SPMIP6: variants seen among roughly 807,000 people sequenced by gnomAD.
SPMIP6 encodes ciliated bronchial epithelial protein 1.
the SPMIP6 span, chr9:34,380,859 G>C: frequency 6.5e-7 from 1 of 1,534,208 alleles, no homozygotes; most frequent in East Asian, 2.4e-5. Flanking sequence ...GGCTTGTGTG[G>C]GGTGGAGCCC....
chr9:34,379,640 A>G, the SPMIP6 span: 1 of 1,613,286 alleles, frequency 6.2e-7, no homozygotes, highest in East Asian at 2.2e-5. The surrounding 1 kb of genome is among the most constrained non-coding windows in gnomAD (Gnocchi z 4.2). Flanking sequence ...TGCGCGTTAG[A>G]CTTACCTAAG....
the SPMIP6 span, among the ~76,000 whole-genome samples, chr9:34,391,886 A>C: frequency 6.6e-6 from 1 of 152,034 alleles, no homozygotes; most frequent in South Asian, 2.1e-4. Flanking sequence ...ATATTGCGAG[A>C]GTTTTAGATC....
the SPMIP6 span, among the ~76,000 whole-genome samples, chr9:34,388,170 C>T: frequency 1.3e-5 from 2 of 148,194 alleles, no homozygotes; most frequent in African/African-American, 2.5e-5. Context: ...GATGGAGTTT[C>T]GCTCTTCTCA....
At chr9:34,379,757 A>C in the SPMIP6 span, 2 of 1,594,306 alleles carry the variant, frequency 1.3e-6, no homozygotes, top group East Asian at 2.2e-5. The surrounding 1 kb of genome is among the most constrained non-coding windows in gnomAD (Gnocchi z 4.2). Flanking sequence ...AGCCGCGAGC[A>C]TGGAGGGGTT....
chr9:34,397,392 A>C, the SPMIP6 span: 1 of 1,271,934 alleles, frequency 7.9e-7, no homozygotes, highest in African/African-American at 1.5e-5. Context: ...GTAAATGAAT[A>C]AAACACACAC....
the SPMIP6 span, among the ~76,000 whole-genome samples, chr9:34,394,630 G>T: frequency 6.6e-6 from 1 of 152,122 alleles, no homozygotes; most frequent in African/African-American, 2.4e-5. Flanking sequence ...AACCTACACT[G>T]AGGATGTTTA....
the SPMIP6 span, among the ~76,000 whole-genome samples, chr9:34,388,857 G>A: frequency 6.6e-6 from 1 of 151,082 alleles, no homozygotes; most frequent in Non-Finnish European, 1.5e-5. Context: ...ACCTATACAT[G>A]TTGCAAATGT....
the SPMIP6 span, among the ~76,000 whole-genome samples, chr9:34,395,295 C>T: frequency 6.6e-6 from 1 of 152,172 alleles, no homozygotes; most frequent in African/African-American, 2.4e-5. Flanking sequence ...CCACTGCTAT[C>T]TGACTTTCAC....
At chr9:34,383,808 T>C in the SPMIP6 span, among the ~76,000 whole-genome samples, 1 of 152,244 alleles carries the variant, frequency 6.6e-6, no homozygotes, top group Non-Finnish European at 1.5e-5. Context: ...AGTGAGTTAG[T>C]ATATGTAAGA....
chr9:34,389,513 G>A, the SPMIP6 span, among the ~76,000 whole-genome samples: 1 of 152,088 alleles, frequency 6.6e-6, no homozygotes. Context: ...ATTAGTAACT[G>A]GGACTACAGG....
the SPMIP6 span, chr9:34,385,736 G>T: frequency 1.9e-6 from 3 of 1,613,638 alleles, no homozygotes; most frequent in Non-Finnish European, 8.5e-7. Context: ...GCCATCTTCT[G>T]CAGGGCTTCG....
At chr9:34,397,670 G>A in the SPMIP6 span, 2 of 1,545,008 alleles carry the variant, frequency 1.3e-6, no homozygotes, top group South Asian at 2.5e-5. Flanking sequence ...GGCTCTACCT[G>A]TCAAGGGCTC....
the SPMIP6 span, among the ~76,000 whole-genome samples, chr9:34,393,263 G>T: frequency 6.6e-6 from 1 of 152,074 alleles, no homozygotes; most frequent in Admixed American, 6.5e-5. Context: ...CAGATTAAAA[G>T]CCATTATAAT....
At chr9:34,381,794 C>T in the SPMIP6 span, 9 of 983,270 alleles carry the variant, frequency 9.2e-6, no homozygotes, top group African/African-American at 3.5e-5. The surrounding 1 kb of genome is among the most constrained non-coding windows in gnomAD (Gnocchi z 4.4). Context: ...TATTGCTTGT[C>T]ATTCCGGAGA....
chr9:34,391,429 T>TTAA, the SPMIP6 span, among the ~76,000 whole-genome samples: 1 of 152,202 alleles, frequency 6.6e-6, no homozygotes, highest in Non-Finnish European at 1.5e-5. Flanking sequence ...TCCATTCTTC[T>TTAA]ATTTTTCACA....
the SPMIP6 span, chr9:34,397,780 A>G: frequency 1.9e-5 from 15 of 795,428 alleles, no homozygotes; most frequent in Non-Finnish European, 3.0e-5. Flanking sequence ...AGGATCTCTC[A>G]GCTTCCTTCC....
At chr9:34,385,596 T>C in the SPMIP6 span, 8 of 1,536,628 alleles carry the variant, frequency 5.2e-6, no homozygotes, top group South Asian at 1.1e-5. Context: ...TGGGTTCAGG[T>C]TGGGGGTCAT....
the SPMIP6 span, chr9:34,390,120 A>G: frequency 6.6e-6 from 1 of 151,206 alleles, no homozygotes. Context: ...TTTCCTTTCC[A>G]TTTCTTAAAT....
the SPMIP6 span, among the ~76,000 whole-genome samples, chr9:34,395,204 C>T: frequency 5.3e-5 from 8 of 152,118 alleles, no homozygotes; most frequent in Admixed American, 4.6e-4. Context: ...CTCAAGCAAT[C>T]TTCCTGTCTG....
Sources: allele counts gnomAD v4.1 joint callset (sites outside exome capture counted in the v4.1 genomes callset), GRCh38; gene constraint gnomAD v4.1.1; non-coding constraint Gnocchi (gnomAD v3.1); transcripts MANE v1.5; gene names NCBI Gene and HGNC (gene_info 2026-07-23, HGNC 2026-07-21).